DENND11: variants seen among roughly 807,000 people sequenced by gnomAD.
DENND11 encodes DENN domain-containing protein 11.
DENND11 carries 34 observed loss-of-function variants against 49.2 expected under a neutral mutation model. The observed-to-expected ratio is 0.69, with a 90% CI of 0.53 to 0.92. The LOEUF (loss-of-function observed/expected upper bound fraction) is 0.92. Among genes scored for constraint, DENND11 ranks in the 40% least tolerant of loss-of-function variants. The pLI is 0.00. For missense variants in DENND11, 475 were observed against 581.6 expected (o/e 0.82, Z 1.88); for synonymous variants, 238 against 230.3 (o/e 1.03, Z -0.30).
rs376772301 is a variant in DENND11, at chr7:141,657,156, T to C, written c.*5500A>G. The C allele has an allele frequency of 1.6e-4, 24 of 152,614 alleles. No individual in the cohort carries two copies. Among genetic ancestry groups the C allele is most frequent in the African/African-American group, 5.8e-4 (24 of 41,448 alleles). The allele number at this position is 152,614 out of a possible 1,614,324, so 9.5% of individuals were successfully genotyped here. ...ATGCTGATTCTAACTCAGAAAGAAA[T>C]GGGAAAACAGTTTTTCTAAGGCTAC... On this transcript the variant is annotated 3_prime_UTR_variant, in exon 9 of 9. Transcript: ENST00000536163.
rs996130221 is a variant in DENND11, at chr7:141,678,619, A to C, written c.528-4399T>G. Among the ~76,000 whole-genome samples the C allele has an allele frequency of 3.9e-5, 6 of 152,204 alleles. No homozygotes were observed. In the East Asian group the frequency reaches 1.2e-3, roughly 29 times the overall value. ...CTACCATTACCACTTTTTTCCTAGAATGTCTTAAAGAAAATCCCACCTCAT... is the reference window on the plus strand; with the variant it reads ...CTACCATTACCACTTTTTTCCTAGACTGTCTTAAAGAAAATCCCACCTCAT... On this transcript the variant is annotated intron_variant, in intron 3 of 8. Transcript: ENST00000536163.
At position 141,685,494 on chromosome 7, in the gene DENND11, A is replaced by G. The variant is rs1044855860; in HGVS notation, c.511T>C (p.Leu171=). 8 of 1,613,824 alleles carry G rather than the reference A, an allele frequency of 5.0e-6. No individual in the cohort carries two copies. The highest frequency in any genetic ancestry group is 6.8e-6 in the Non-Finnish European group (8 of 1,179,884). The part of the protein sequence containing the change: ...YTLLYRYMHF[L]ENQVRHQLEM... The stretch of plus-strand genomic sequence containing the variant: ...GCCACGTACCGAACCTGGTTCTCCA[A>G]GAAGTGCATGTAGCGGTAAAGCAGT... The change falls in exon 3 of 9, where the codon TTG becomes CTG. Residue 171 remains leucine (L), a synonymous_variant. Transcript: ENST00000536163.
intron 8 of DENND11, 142 bp downstream of exon 8, chr7:141,664,030 C>G (rs1267190353): frequency 1.5e-6 from 1 of 647,180 alleles, no homozygotes; most frequent in African/African-American, 1.8e-5. Context: ...AGGTTTGCCT[C>G]TGTAAGGAGC....
intron 3 of DENND11, among the ~76,000 whole-genome samples, chr7:141,678,961 T>C (rs908064510): frequency 6.6e-6 from 1 of 152,180 alleles, no homozygotes; most frequent in Admixed American, 6.5e-5. Context: ...TAAGAAATAA[T>C]CATTAAAAAG....
Position 141,666,404 on chromosome 7 carries a change from T to G in DENND11, c.703A>C (p.Met235Leu). 1 of 1,607,388 alleles carries G rather than the reference T, an allele frequency of 6.2e-7. No individual in the cohort carries two copies. The highest frequency in any genetic ancestry group is 8.5e-7 in the Non-Finnish European group (1 of 1,174,834). The change falls in exon 5 of 9, where the codon ATG becomes CTG. Residue 235 changes from methionine (M) to leucine (L), a missense_variant. Transcript: ENST00000536163. ...EMKITHPAGC[M>L]SQFIKFFGEQ... is the part of the protein sequence containing the mutation. Reference sequence around the variant, plus strand: ...CCAAAGAACTTTATAAACTGAGACATGCAGCCAGCTGGGTGTGTGATCTGA... The same window carrying G: ...CCAAAGAACTTTATAAACTGAGACAGGCAGCCAGCTGGGTGTGTGATCTGA...
At chr7:141,666,958 T>A (rs1797905388) in intron 4 of DENND11, among the ~76,000 whole-genome samples, 2 of 152,098 alleles carry the variant, frequency 1.3e-5, no homozygotes, top group African/African-American at 4.8e-5. Context: ...TCTGACTCAC[T>A]CTGTCACCCA....
chr7:141,701,179 T>C (rs1798505712), intron 1 of DENND11, among the ~76,000 whole-genome samples: 1 of 152,034 alleles, frequency 6.6e-6, no homozygotes, highest in Non-Finnish European at 1.5e-5. Flanking sequence ...AAGACTTTAA[T>C]TCTCCAAGCA....
chr7:141,673,198 C>A (rs1798008947), intron 4 of DENND11, among the ~76,000 whole-genome samples: 1 of 151,864 alleles, frequency 6.6e-6, no homozygotes, highest in African/African-American at 2.4e-5. Flanking sequence ...AAGCAAGTCA[C>A]TAGCCCTTTA....
chr7:141,666,156 C>G, intron 5 of DENND11, 131 bp downstream of exon 5: 1 of 940,914 alleles, frequency 1.1e-6, no homozygotes. Context: ...CCAATCAGTT[C>G]ACTCCCGGGC....
chr7:141,689,455 G>C (rs1454324699), intron 1 of DENND11, among the ~76,000 whole-genome samples: 1 of 152,176 alleles, frequency 6.6e-6, no homozygotes, highest in Non-Finnish European at 1.5e-5. Flanking sequence ...CCTGTCAGCA[G>C]GGAAGGGGAA....
In DENND11 at chr7:141,701,968, C is replaced by G; in HGVS notation, c.186G>C (p.Leu62=). Residue 62 remains leucine (L), a synonymous_variant, in exon 1 of 9, where the codon CTG becomes CTC. Coordinates refer to ENST00000536163, the MANE Select transcript of DENND11 (RefSeq NM_001080392.2). Reference sequence around the variant, plus strand: ...CGCCCAGCTCCAGGCGCCCGGGCTGCAGCAGCACCTCCGGGGCGGCCGGCT... The same window carrying G: ...CGCCCAGCTCCAGGCGCCCGGGCTGGAGCAGCACCTCCGGGGCGGCCGGCT... ...PEEPAAPEVL[L]QPGRLELGDV... 1 of 1,175,354 alleles carries G rather than the reference C, an allele frequency of 8.5e-7. No homozygotes were observed. The allele number at this position is 1,175,354 out of a possible 1,614,324, so 72.8% of individuals were successfully genotyped here.
At chr7:141,675,625 T>C (rs570974878) in intron 3 of DENND11, among the ~76,000 whole-genome samples, 1 of 152,310 alleles carries the variant, frequency 6.6e-6, no homozygotes, top group African/African-American at 2.4e-5. Context: ...CTCTGCAAAC[T>C]GCCACGGTGG....
In DENND11 at chr7:141,657,529, G is replaced by A. The variant is rs1469920428; in HGVS notation, c.*5127C>T. 4 of 152,312 alleles carry A rather than the reference G, an allele frequency of 2.6e-5. No individual in the cohort carries two copies. Among genetic ancestry groups the A allele is most frequent in the Non-Finnish European group, 5.9e-5 (4 of 68,012 alleles). The allele number at this position is 152,312 out of a possible 1,614,324, so 9.4% of individuals were successfully genotyped here. A position where few individuals can be genotyped will look rare whatever the true frequency, so the allele number is the denominator to read the frequency against. ...CTGTTCACTTTGTGGATCATCTCTG[G>A]CTCATTTAAAACATCCTGCCTCATC... is the stretch of plus-strand genomic sequence containing the variant. On this transcript the variant is annotated 3_prime_UTR_variant, in exon 9 of 9. Transcript: ENST00000536163.
chr7:141,691,010 T>C (rs1419970886), intron 1 of DENND11, among the ~76,000 whole-genome samples: 1 of 152,146 alleles, frequency 6.6e-6, no homozygotes, highest in East Asian at 1.9e-4. Context: ...GTATATCAGG[T>C]GTGCAAGCTG....
intron 7 of DENND11, 44 bp downstream of exon 7, chr7:141,664,860 C>T: frequency 6.3e-7 from 1 of 1,579,148 alleles, no homozygotes; most frequent in African/African-American, 1.3e-5. Flanking sequence ...TGGAGCTGCC[C>T]TGAGGAGGGT....
At chr7:141,698,968 T>TGGGGGGGGGTGGGGGGG (rs1189381545) in intron 1 of DENND11, among the ~76,000 whole-genome samples, 1 of 69,422 alleles carries the variant, frequency 1.4e-5, no homozygotes, top group Non-Finnish European at 3.0e-5. Context: ...GGGTGTGGGG[T>TGGGGGGGGGTGGGGGGG]GGGGGGAGGA....
intron 1 of DENND11, among the ~76,000 whole-genome samples, chr7:141,698,201 G>A (rs766583836): frequency 6.6e-6 from 1 of 152,324 alleles, no homozygotes; most frequent in East Asian, 1.9e-4. Flanking sequence ...TCAGCCACAC[G>A]GTGATACCGC....
intron 3 of DENND11, among the ~76,000 whole-genome samples, chr7:141,683,847 G>C (rs1280885535): frequency 1.3e-5 from 2 of 152,156 alleles, no homozygotes; most frequent in East Asian, 1.9e-4. Flanking sequence ...AGGATAAAGG[G>C]AACAGGCCAA....
At chr7:141,694,825 A>G (rs1040049437) in intron 1 of DENND11, among the ~76,000 whole-genome samples, 7 of 152,060 alleles carry the variant, frequency 4.6e-5, no homozygotes, top group Non-Finnish European at 4.4e-5. Flanking sequence ...TACAAAACAC[A>G]CCCACCTTAA....
Sources: gnomAD v4.1 joint callset for allele counts (sites outside exome capture counted in the v4.1 genomes callset) on GRCh38, gnomAD v4.1.1 for gene constraint, MANE v1.5 for transcripts, NCBI Gene and HGNC (gene_info 2026-07-23, HGNC 2026-07-21) for gene names.